Variants in SLC38A12 observed in about 807,000 individuals in gnomAD.
The protein encoded by SLC38A12 is putative sodium-coupled neutral amino acid transporter 12.
chr17:74,836,369 C>T, the SLC38A12 span: 64 of 1,612,498 alleles, frequency 4.0e-5, no homozygotes, highest in Non-Finnish European at 5.4e-5. This position sits in a 1 kb window ranked among gnomAD's most constrained non-coding sequence, Gnocchi z 4.2. Flanking sequence ...GCGGCACGTA[C>T]CCGTGGGTGG....
At chr17:74,795,500 G>A in the SLC38A12 span, 7 of 1,609,274 alleles carry the variant, frequency 4.3e-6, no homozygotes, top group Admixed American at 8.4e-5. Context: ...CTGAGCCTGG[G>A]CCTGCTGTCA....
chr17:74,839,003 G>C, the SLC38A12 span: 8 of 1,535,602 alleles, frequency 5.2e-6, no homozygotes, highest in Non-Finnish European at 7.0e-6. Flanking sequence ...CCCAACATCT[G>C]CCACCTGCAT....
chr17:74,805,698 CCT>C, the SLC38A12 span, among the ~76,000 whole-genome samples: 2 of 152,220 alleles, frequency 1.3e-5, no homozygotes, highest in African/African-American at 2.4e-5. The surrounding 1 kb of genome is among the most constrained non-coding windows in gnomAD (Gnocchi z 5.0). Context: ...CCTGTGCAGC[CCT>C]CTCTGCAGGG....
At chr17:74,799,326 C>T in the SLC38A12 span, among the ~76,000 whole-genome samples, 7,251 of 152,294 alleles carry the variant, frequency 0.048, 604 homozygotes, top group African/African-American at 0.16. Context: ...GATGGCAGAG[C>T]GGAGCTTATC....
chr17:74,777,138 G>A, the SLC38A12 span: 5 of 660,866 alleles, frequency 7.6e-6, no homozygotes, highest in Non-Finnish European at 1.1e-5. Context: ...GGTGAGTCTT[G>A]TGACAGATAC....
the SLC38A12 span, among the ~76,000 whole-genome samples, chr17:74,806,375 C>T: frequency 2.0e-5 from 3 of 152,140 alleles, no homozygotes; most frequent in African/African-American, 4.8e-5. Flanking sequence ...GCACAGCCGT[C>T]GGGGAGAATA....
At chr17:74,791,959 A>C in the SLC38A12 span, among the ~76,000 whole-genome samples, 2,205 of 146,472 alleles carry the variant, frequency 0.015, 60 homozygotes, top group African/African-American at 0.054. Flanking sequence ...ATCCTGGCTA[A>C]CACGGTGAAA....
the SLC38A12 span, among the ~76,000 whole-genome samples, chr17:74,795,809 G>C: frequency 1.3e-5 from 2 of 152,226 alleles, no homozygotes; most frequent in South Asian, 4.1e-4. Flanking sequence ...GTGTCACTAA[G>C]AGTCTAGCCC....
At chr17:74,816,993 G>C in the SLC38A12 span, among the ~76,000 whole-genome samples, 2 of 152,096 alleles carry the variant, frequency 1.3e-5, no homozygotes, top group African/African-American at 4.8e-5. Flanking sequence ...ACCATCTGGA[G>C]ACAGGGGCTG....
the SLC38A12 span, among the ~76,000 whole-genome samples, chr17:74,813,340 G>T: frequency 0.018 from 2,683 of 152,328 alleles, 38 homozygotes; most frequent in Middle Eastern, 0.031. Flanking sequence ...CTGTCACTTG[G>T]TGCAAAGGGT....
chr17:74,839,115 A>T, the SLC38A12 span: 1 of 1,530,990 alleles, frequency 6.5e-7, no homozygotes, highest in Non-Finnish European at 8.7e-7. Context: ...CCAGAGCCTC[A>T]TGCCAGCAGC....
chr17:74,822,592 T>C, the SLC38A12 span, among the ~76,000 whole-genome samples: 4 of 152,222 alleles, frequency 2.6e-5, no homozygotes, highest in South Asian at 2.1e-4. Flanking sequence ...GCGAACCTTT[T>C]CTCCAGAATG....
At chr17:74,827,988 G>A in the SLC38A12 span, among the ~76,000 whole-genome samples, 15 of 152,186 alleles carry the variant, frequency 9.9e-5, no homozygotes, top group Admixed American at 5.9e-4. This position sits in a 1 kb window ranked among gnomAD's most constrained non-coding sequence, Gnocchi z 4.7. Context: ...GGGAGCTGGC[G>A]CCAAGTCCTC....
the SLC38A12 span, among the ~76,000 whole-genome samples, chr17:74,824,143 G>A: frequency 6.6e-6 from 1 of 152,220 alleles, no homozygotes; most frequent in Non-Finnish European, 1.5e-5. Context: ...TGAGATCTAG[G>A]AGCACCCAGG....
At chr17:74,778,476 G>A in the SLC38A12 span, among the ~76,000 whole-genome samples, 1 of 152,108 alleles carries the variant, frequency 6.6e-6, no homozygotes, top group East Asian at 1.9e-4. Flanking sequence ...TCACAGACTA[G>A]CATTGTGGTG....
the SLC38A12 span, chr17:74,838,568 G>A: frequency 4.1e-4 from 478 of 1,176,292 alleles, 10 homozygotes; most frequent in South Asian, 1.0e-2. Flanking sequence ...GTCGGTGGCC[G>A]TGTTCCCTGC....
At chr17:74,783,246 G>A in the SLC38A12 span, among the ~76,000 whole-genome samples, 1 of 152,254 alleles carries the variant, frequency 6.6e-6, no homozygotes, top group Non-Finnish European at 1.5e-5. Flanking sequence ...CCCATCTCCA[G>A]CCTGTGTGCC....
chr17:74,836,232 G>A, the SLC38A12 span: 10 of 1,611,616 alleles, frequency 6.2e-6, no homozygotes, highest in East Asian at 2.2e-5. This position sits in a 1 kb window ranked among gnomAD's most constrained non-coding sequence, Gnocchi z 4.2. Flanking sequence ...CGCGCGCTGT[G>A]ACGTCGTGGG....
the SLC38A12 span, among the ~76,000 whole-genome samples, chr17:74,781,788 A>G: frequency 6.6e-6 from 1 of 152,184 alleles, no homozygotes; most frequent in East Asian, 1.9e-4. Flanking sequence ...GCTCCAAAAC[A>G]TCCAACCCCC....
Sources: allele counts gnomAD v4.1 joint callset (sites outside exome capture counted in the v4.1 genomes callset), GRCh38; gene constraint gnomAD v4.1.1; non-coding constraint Gnocchi (gnomAD v3.1); transcripts MANE v1.5; gene names NCBI Gene and HGNC (gene_info 2026-07-23, HGNC 2026-07-21).